Variants in MAMLD1 observed in about 807,000 individuals in gnomAD.
MAMLD1 encodes the protein mastermind-like domain-containing protein 1.
MAMLD1 carries 14 observed loss-of-function variants against 45.0 expected under a neutral mutation model. The ratio of observed to expected loss-of-function variants is 0.31; its 90% confidence interval spans 0.21 to 0.49. The LOEUF (loss-of-function observed/expected upper bound fraction) is 0.49. MAMLD1 is among the 20% of genes least tolerant of loss of function. The pLI is 0.99. For missense variants in MAMLD1, 543 were observed against 603.6 expected (o/e 0.90, Z 1.05); for synonymous variants, 254 against 247.8 (o/e 1.02, Z -0.24).
At chrX:150,364,277 C>T (rs782083187) in intron 1 of MAMLD1, among the ~76,000 whole-genome samples, 331 of 113,207 alleles carry the variant, frequency 2.9e-3, no homozygotes, top group Middle Eastern at 0.023. Context: ...ATACTTTTCT[C>T]GGCCAGTTGG....
intron 5 of MAMLD1, among the ~76,000 whole-genome samples, chrX:150,481,038 C>G (rs2036736759): frequency 8.9e-6 from 1 of 112,543 alleles, no homozygotes; most frequent in Admixed American, 9.3e-5. Context: ...TCGGGGTGGC[C>G]CATGAAGAGA....
At chrX:150,371,832 G>A (rs925638764) in intron 1 of MAMLD1, among the ~76,000 whole-genome samples, 18 of 111,563 alleles carry the variant, frequency 1.6e-4, no homozygotes, top group Admixed American at 2.8e-4. Flanking sequence ...AGTTAGCACA[G>A]GTGCACCACC....
At chrX:150,507,098 C>T (rs782465934) in intron 6 of MAMLD1, among the ~76,000 whole-genome samples, 28 of 112,059 alleles carry the variant, frequency 2.5e-4, no homozygotes, top group African/African-American at 8.4e-4. Flanking sequence ...GTCAGTGTCA[C>T]CTGGCACAAC....
rs191673563 is a variant in MAMLD1, at chrX:150,412,254, G to A, written c.-63-33200G>A. On this transcript the variant is annotated intron_variant, in intron 1 of 7. Transcript: ENST00000370401. ...AGAGGGAAAGATTTCAGTTCTCCCTGAAATCTCATACCTAACTAACTGGGA... is the reference window on the plus strand; with the variant it reads ...AGAGGGAAAGATTTCAGTTCTCCCTAAAATCTCATACCTAACTAACTGGGA... 1.2e-3 allele frequency among the ~76,000 whole-genome samples: 137 copies of A among 111,019 alleles called. 1 individual carries two copies. Among genetic ancestry groups the A allele is most frequent in the Admixed American group, 3.5e-3 (37 of 10,433 alleles).
At chrX:150,496,549 A>T (rs1485691850) in intron 5 of MAMLD1, among the ~76,000 whole-genome samples, 1 of 112,312 alleles carries the variant, frequency 8.9e-6, no homozygotes, top group Non-Finnish European at 1.9e-5. Flanking sequence ...CATCATCATT[A>T]TCGTCATCAT....
intron 2 of MAMLD1, among the ~76,000 whole-genome samples, chrX:150,453,613 G>T (rs782170744): frequency 3.2e-4 from 36 of 111,857 alleles, no homozygotes; most frequent in African/African-American, 1.1e-3. Flanking sequence ...TTTTCAAAGA[G>T]ATGAAGCCAA....
At chrX:150,508,660 G>A (rs1049635339) in intron 6 of MAMLD1, among the ~76,000 whole-genome samples, 3 of 112,498 alleles carry the variant, frequency 2.7e-5, no homozygotes, top group Non-Finnish European at 3.8e-5. Context: ...TCGCTACCCC[G>A]CCCCACTCCC....
At position 150,471,213 on chromosome X, in the gene MAMLD1, A is replaced by G; in HGVS notation, c.1640A>G (p.His547Arg). ...FTFGNTKPLSHFVSEPGPQKM... is the reference protein window; with the variant it reads ...FTFGNTKPLSRFVSEPGPQKM... The stretch of plus-strand genomic sequence containing the variant: ...TTTGGCAACACCAAGCCCTTGTCCC[A>G]TTTTGTTTCTGAGCCGGGTCCCCAG... Residue 547 changes from histidine to arginine, a missense_variant, in exon 4 of 8, where the codon CAT becomes CGT. His to Arg is a conservative substitution (Grantham distance 29). Transcript: ENST00000370401. The G allele has an allele frequency of 8.3e-7, 1 of 1,211,518 alleles. No homozygotes were observed. Among genetic ancestry groups the G allele is most frequent in the African/African-American group, 1.7e-5 (1 of 57,664 alleles).
At chrX:150,473,041 A>G (rs1243547536) in intron 4 of MAMLD1, among the ~76,000 whole-genome samples, 1 of 112,671 alleles carries the variant, frequency 8.9e-6, no homozygotes, top group African/African-American at 3.2e-5. Context: ...CTTGCTCAGA[A>G]GTCCCCAGAG....
chrX:150,475,940 A>G (rs1279214580), intron 5 of MAMLD1, among the ~76,000 whole-genome samples: 2 of 112,103 alleles, frequency 1.8e-5, no homozygotes, highest in East Asian at 5.6e-4. Context: ...TGGTGCAAAT[A>G]CCAAATGTCA....
At chrX:150,373,723 C>T (rs2032158724) in intron 1 of MAMLD1, among the ~76,000 whole-genome samples, 1 of 111,897 alleles carries the variant, frequency 8.9e-6, no homozygotes, top group Non-Finnish European at 1.9e-5. Context: ...CACACCCCCT[C>T]TCCACCTTAC....
intron 3 of MAMLD1, among the ~76,000 whole-genome samples, chrX:150,468,978 A>AGAGTGTGTGTGTGTGTGTGTGT (rs1557406113): frequency 5.0e-5 from 5 of 100,693 alleles, no homozygotes; most frequent in African/African-American, 1.8e-4. Flanking sequence ...AATGTGTGAG[A>AGAGTGTGTGTGTGTGTGTGTGT]GTGTGTGTGT....
intron 1 of MAMLD1, among the ~76,000 whole-genome samples, chrX:150,401,764 C>T (rs1433180269): frequency 3.6e-5 from 4 of 111,498 alleles, no homozygotes; most frequent in South Asian, 3.8e-4. Context: ...AGAAATAATG[C>T]TGCATATCTA....
chrX:150,436,719 T>TCATTTCAGC (rs1249423154), intron 1 of MAMLD1, among the ~76,000 whole-genome samples: 2 of 111,704 alleles, frequency 1.8e-5, no homozygotes, highest in Admixed American at 9.5e-5. Flanking sequence ...TCTATTTCTG[T>TCATTTCAGC]CATTTCAGCC....
chrX:150,416,817 T>G (rs1557403068), intron 1 of MAMLD1, among the ~76,000 whole-genome samples: 2 of 112,380 alleles, frequency 1.8e-5, no homozygotes, highest in South Asian at 3.7e-4. Context: ...ATTTATTTCA[T>G]CATTATAAGT....
intron 6 of MAMLD1, among the ~76,000 whole-genome samples, chrX:150,506,181 C>T (rs1430530954): frequency 9.0e-6 from 1 of 111,304 alleles, no homozygotes; most frequent in Non-Finnish European, 1.9e-5. Context: ...CAGGCTGGCT[C>T]TCTGTGGGGG....
At chrX:150,368,455 A>G (rs1368912706) in intron 1 of MAMLD1, among the ~76,000 whole-genome samples, 8 of 107,860 alleles carry the variant, frequency 7.4e-5, no homozygotes, top group Non-Finnish European at 1.3e-4. Context: ...TAGATTCTGT[A>G]TATTAGCCCT....
At chrX:150,417,194 A>G (rs201721090) in intron 1 of MAMLD1, among the ~76,000 whole-genome samples, 1 of 106,786 alleles carries the variant, frequency 9.4e-6, no homozygotes, top group Non-Finnish European at 1.9e-5. Flanking sequence ...AGAGTGTGAT[A>G]TTCCCCTTCC....
intron 5 of MAMLD1, among the ~76,000 whole-genome samples, chrX:150,476,939 C>T (rs1441116655): frequency 1.8e-5 from 2 of 113,033 alleles, no homozygotes; most frequent in East Asian, 2.8e-4. Flanking sequence ...CTTGGGGAAG[C>T]CCCCACTATC....
Sources: allele counts gnomAD v4.1 joint callset (sites outside exome capture counted in the v4.1 genomes callset), GRCh38; gene constraint gnomAD v4.1.1; transcripts MANE v1.5; gene names NCBI Gene and HGNC (gene_info 2026-07-23, HGNC 2026-07-21).